Variants in IL1RAPL2 observed in about 807,000 individuals in gnomAD.
The protein encoded by IL1RAPL2 is interleukin 1 receptor accessory protein like 2, also known as X-linked interleukin-1 receptor accessory protein-like 2.
A neutral mutation model predicts 44.1 loss-of-function variants in IL1RAPL2; 3 were observed. The ratio of observed to expected loss-of-function variants is 0.07; its 90% CI spans 0.03 to 0.18. IL1RAPL2 has a LOEUF of 0.18. Among genes scored for constraint, IL1RAPL2 ranks in the 10% least tolerant of loss-of-function variants. IL1RAPL2 has a pLI of 1.00. For missense variants in IL1RAPL2, 391 were observed against 496.4 expected, an observed-to-expected ratio of 0.79 and a Z score of 2.02; for synonymous variants, 181 against 178.8, an observed-to-expected ratio of 1.01 and a Z score of -0.10.
chrX:105,484,657 G>A (rs949058465), intron 6 of IL1RAPL2, among the ~76,000 whole-genome samples: 14 of 111,956 alleles, frequency 1.3e-4, no homozygotes, highest in Non-Finnish European at 2.1e-4. Flanking sequence ...ATAGATTCAT[G>A]AGTGTCTTGC....
At chrX:105,287,329 A>G (rs1374526443) in intron 5 of IL1RAPL2, among the ~76,000 whole-genome samples, 2 of 111,522 alleles carry the variant, frequency 1.8e-5, no homozygotes, top group African/African-American at 6.5e-5. Flanking sequence ...GATCATGGTG[A>G]ATACCAGGAG....
At chrX:105,520,439 T>G (rs2036546866) in intron 6 of IL1RAPL2, among the ~76,000 whole-genome samples, 1 of 112,073 alleles carries the variant, frequency 8.9e-6, no homozygotes, top group Admixed American at 9.5e-5. Context: ...CAAATTTAAT[T>G]TATAAAAATG....
intron 2 of IL1RAPL2, among the ~76,000 whole-genome samples, chrX:104,937,825 A>T (rs182487581): frequency 1.8e-5 from 2 of 112,912 alleles, no homozygotes; most frequent in African/African-American, 6.4e-5. Flanking sequence ...ATTTTTGTAT[A>T]AAAGTAAGCC....
chrX:104,818,301 G>A (rs1367035137), intron 2 of IL1RAPL2, among the ~76,000 whole-genome samples: 1 of 91,022 alleles, frequency 1.1e-5, no homozygotes, highest in African/African-American at 4.5e-5. Context: ...CCAAGATCGC[G>A]CCACTGCACT....
intron 4 of IL1RAPL2, among the ~76,000 whole-genome samples, chrX:105,262,815 A>G (rs1370456230): frequency 3.6e-5 from 4 of 111,433 alleles, no homozygotes; most frequent in Non-Finnish European, 7.5e-5. Context: ...CAAGGTTCAT[A>G]CCTAATTTGC....
In IL1RAPL2 at chrX:105,740,480, G is replaced by C; in HGVS notation, c.903-66G>C. On this transcript the variant is annotated intron_variant, in intron 7 of 10. Coordinates refer to ENST00000372582, the MANE Select transcript of IL1RAPL2 (RefSeq NM_017416.2). The stretch of plus-strand genomic sequence containing the variant: ...TGTGTGAGCTGTGTGACCATCTGTA[G>C]TCTTGGCATGGCTGCTTTCTCCCCA... 3 of 1,100,498 alleles carry C rather than the reference G, an allele frequency of 2.7e-6. No individual in the cohort carries two copies. In the South Asian group the frequency reaches 5.9e-5, roughly 22 times the overall value. 90.7% of individuals were successfully genotyped at this position (1,100,498 alleles called of 1,213,427 possible).
intron 5 of IL1RAPL2, among the ~76,000 whole-genome samples, chrX:105,401,122 G>T (rs1467199085): frequency 1.8e-5 from 2 of 111,226 alleles, no homozygotes; most frequent in Admixed American, 1.9e-4. Context: ...CACTCATGAG[G>T]GTGAAACCTT....
At chrX:105,347,366 A>G (rs906512575) in intron 5 of IL1RAPL2, among the ~76,000 whole-genome samples, 3 of 111,653 alleles carry the variant, frequency 2.7e-5, no homozygotes, top group South Asian at 3.8e-4. Flanking sequence ...CTAGTTTTCC[A>G]CATATGTAAA....
In IL1RAPL2 at chrX:104,673,086, A is replaced by G. The variant is rs754371315; in HGVS notation, c.82+14091A>G. Among the ~76,000 whole-genome samples, 6 of 111,798 alleles carry G rather than the reference A, an allele frequency of 5.4e-5. No individual in the cohort carries two copies. In the South Asian group the frequency reaches 2.2e-3, roughly 41 times the overall value. The stretch of plus-strand genomic sequence containing the variant: ...GATGGTCATTTCTTTTGCTGTGCAG[A>G]AGCTCTTTAGCTTAATTAGATCCCA... On this transcript the variant is annotated intron_variant, in intron 2 of 10. Transcript: ENST00000372582.
At chrX:104,684,211 T>A (rs1223842168) in intron 2 of IL1RAPL2, among the ~76,000 whole-genome samples, 1 of 111,886 alleles carries the variant, frequency 8.9e-6, no homozygotes, top group African/African-American at 3.3e-5. Flanking sequence ...CAAAGTGTGA[T>A]GATTTCTCAA....
intron 1 of IL1RAPL2, among the ~76,000 whole-genome samples, chrX:104,587,660 A>G (rs998233542): frequency 8.9e-6 from 1 of 112,407 alleles, no homozygotes; most frequent in Non-Finnish European, 1.9e-5. Flanking sequence ...ACTCACTTTC[A>G]GTGGGACAAA....
At chrX:104,668,114 AT>A (rs1930517907) in intron 2 of IL1RAPL2, among the ~76,000 whole-genome samples, 1 of 111,120 alleles carries the variant, frequency 9.0e-6, no homozygotes, top group African/African-American at 3.3e-5. Context: ...GGAGGATAGT[AT>A]AAGATTCAGG....
At chrX:104,636,129 G>A (rs1270201135) in intron 1 of IL1RAPL2, among the ~76,000 whole-genome samples, 1 of 112,018 alleles carries the variant, frequency 8.9e-6, no homozygotes, top group Non-Finnish European at 1.9e-5. Flanking sequence ...GTTTGCCTGG[G>A]TATCAGCAGC....
At chrX:104,869,528 G>C (rs7881459) in intron 2 of IL1RAPL2, among the ~76,000 whole-genome samples, 6,396 of 109,678 alleles carry the variant, frequency 0.058, 463 homozygotes, top group African/African-American at 0.2. Context: ...TTTTTGCTTT[G>C]TCTCTTCCTA....
intron 6 of IL1RAPL2, among the ~76,000 whole-genome samples, chrX:105,534,525 G>T (rs1182348079): frequency 9.1e-6 from 1 of 110,495 alleles, no homozygotes. Flanking sequence ...CACCCACCAT[G>T]TACCCCACAA....
In IL1RAPL2 at chrX:105,233,940, T is replaced by A; in HGVS notation, c.479T>A (p.Ile160Asn). The A allele has an allele frequency of 8.3e-7, 1 of 1,210,816 alleles. No homozygotes were observed. The highest frequency in any genetic ancestry group is 1.1e-6 in the Non-Finnish European group (1 of 894,810). The change falls in exon 4 of 11, where the codon ATC (isoleucine) becomes AAC (asparagine). Residue 160 changes from isoleucine (I) to asparagine (N), a missense_variant. Physicochemically the swap from Ile to Asn is moderately radical, Grantham distance 149. Around this residue, in one of 2 missense-constraint regions of IL1RAPL2, gnomAD observed 159 missense variants for 251.7 expected, o/e 0.63. Transcript: ENST00000372582. ...EKSEVTKRKEISCPDMDDFKK... is the reference protein window; with the variant it reads ...EKSEVTKRKENSCPDMDDFKK... ...TCTGAAGTCACTAAAAGAAAGGAGATCTCCTGTCCAGACATGGATGACTTT... is the reference window on the plus strand; with the variant it reads ...TCTGAAGTCACTAAAAGAAAGGAGAACTCCTGTCCAGACATGGATGACTTT...
intron 2 of IL1RAPL2, among the ~76,000 whole-genome samples, chrX:104,721,556 G>C (rs1225998916): frequency 1.8e-5 from 2 of 110,663 alleles, no homozygotes; most frequent in Admixed American, 1.9e-4. Flanking sequence ...AGAGCATCAG[G>C]ATAAATAACC....
At chrX:105,077,531 C>T (rs1480336212) in intron 2 of IL1RAPL2, among the ~76,000 whole-genome samples, 2 of 110,597 alleles carry the variant, frequency 1.8e-5, no homozygotes, top group Non-Finnish European at 3.8e-5. Context: ...CTTGGAGTTG[C>T]TCTTCTCGAG....
At chrX:104,731,558 A>G (rs1412881308) in intron 2 of IL1RAPL2, among the ~76,000 whole-genome samples, 4 of 110,586 alleles carry the variant, frequency 3.6e-5, no homozygotes, top group Non-Finnish European at 7.6e-5. Context: ...GGGCACAACC[A>G]TGCCCAGCTA....
Sources: gnomAD v4.1 joint callset for allele counts (sites outside exome capture counted in the v4.1 genomes callset) on GRCh38, gnomAD v4.1.1 for gene constraint, gnomAD v4.1.1 regional missense constraint, MANE v1.5 for transcripts, NCBI Gene and HGNC (gene_info 2026-07-23, HGNC 2026-07-21) for gene names.